The following GRAMD1B variants were observed in gnomAD, a reference collection of about 807,000 sequenced individuals.
GRAMD1B encodes GRAM domain containing 1B.
A neutral mutation model predicts 99.7 loss-of-function variants in GRAMD1B; 37 were observed. The observed-to-expected ratio is 0.37, with a 90% CI of 0.29 to 0.49. The LOEUF is 0.49. Ranked by LOEUF, GRAMD1B falls within the 20% of genes least tolerant of loss-of-function variation. The pLI, the probability that GRAMD1B is intolerant of heterozygous loss-of-function variation, is 0.98. For missense variants in GRAMD1B, 888 were observed against 1,009.2 expected, an observed-to-expected ratio of 0.88 and a Z score of 1.63; for synonymous variants, 427 against 387.6, an observed-to-expected ratio of 1.10 and a Z score of -1.19.
chr11:123,435,428 T>C, intron 1 of GRAMD1B: 2 of 702,600 alleles, frequency 2.8e-6, no homozygotes, highest in Non-Finnish European at 5.2e-6. Context: ...TGTCACTGAC[T>C]TGAAGCTCAA....
intron 2 of GRAMD1B, among the ~76,000 whole-genome samples, chr11:123,516,258 A>G (rs1278769414): frequency 6.6e-6 from 1 of 152,238 alleles, no homozygotes; most frequent in African/African-American, 2.4e-5. Context: ...ATGGAAGCTG[A>G]ACCCTTTGGT....
In GRAMD1B at chr11:123,615,425, G is replaced by A. The variant is rs1241049859; in HGVS notation, c.2318+590G>A. 3.3e-5 allele frequency among the ~76,000 whole-genome samples: 5 copies of A among 152,186 alleles called. No homozygotes were observed. The South Asian group carries it at 6.2e-4, about 19-fold the overall frequency. Reference sequence around the variant, plus strand: ...ATGCTGGCTGGGCATGGTGGCTCACGCCTGTAATCCCAGCACTTTGGGAGG... The same window carrying A: ...ATGCTGGCTGGGCATGGTGGCTCACACCTGTAATCCCAGCACTTTGGGAGG... On this transcript the variant is annotated intron_variant, in intron 17 of 19. Transcript: ENST00000635736.
At chr11:123,365,848 C>T (rs868831033) in intron 1 of GRAMD1B, among the ~76,000 whole-genome samples, 1 of 152,160 alleles carries the variant, frequency 6.6e-6, no homozygotes, top group Middle Eastern at 3.2e-3. Flanking sequence ...AGCATTATAC[C>T]TGCTCCTTGT....
intron 1 of GRAMD1B, among the ~76,000 whole-genome samples, chr11:123,373,217 A>G (rs1946585384): frequency 6.6e-6 from 1 of 152,204 alleles, no homozygotes; most frequent in South Asian, 2.1e-4. Context: ...CTGGTCTGTT[A>G]TACAACAAAG....
chr11:123,579,723 C>T (rs139086441), intron 3 of GRAMD1B, among the ~76,000 whole-genome samples: 2 of 152,316 alleles, frequency 1.3e-5, no homozygotes, highest in East Asian at 3.9e-4. Context: ...CACACTTTTC[C>T]ATCCAGATTC....
chr11:123,431,892 A>C (rs1948911633), intron 1 of GRAMD1B: 1 of 393,536 alleles, frequency 2.5e-6, no homozygotes, highest in Non-Finnish European at 4.5e-6. Context: ...AGCTCTACAC[A>C]GCCCTGGTCA....
intron 1 of GRAMD1B, among the ~76,000 whole-genome samples, chr11:123,424,258 A>G (rs1247177601): frequency 6.6e-6 from 1 of 150,984 alleles, no homozygotes; most frequent in Non-Finnish European, 1.5e-5. Context: ...AACACCAAAA[A>G]AAAAAAAAAA....
At chr11:123,597,256 CTTTTTTTT>C (rs71060518) in intron 7 of GRAMD1B, among the ~76,000 whole-genome samples, 12 of 76,570 alleles carry the variant, frequency 1.6e-4, no homozygotes, top group South Asian at 9.2e-4. Flanking sequence ...GCCACTATGC[CTTTTTTTT>C]TTTTTTTTTT....
intron 11 of GRAMD1B, chr11:123,607,867 T>G (rs1479994137): frequency 6.6e-6 from 1 of 152,480 alleles, no homozygotes; most frequent in African/African-American, 2.4e-5. Context: ...TATCCTCATT[T>G]GCATCCTCCT....
In GRAMD1B at chr11:123,598,032, G is replaced by T. The variant is rs528674511; in HGVS notation, c.969+1995G>T. The T allele has an allele frequency of 9.3e-5, 122 of 1,317,342 alleles. No individual in the cohort carries two copies. The African/African-American group carries it at 1.6e-3, about 18-fold the overall frequency. The allele number at this position is 1,317,342 out of a possible 1,614,324, so 81.6% of individuals were successfully genotyped here. ...TCTTCATATTCTTCCTCAGTGTCAG[G>T]CTGCCATCATTCTGAAGCCTTCTGC... On this transcript the variant is annotated intron_variant, in intron 7 of 19. Coordinates refer to ENST00000635736, the MANE Select transcript of GRAMD1B (RefSeq NM_001387025.1).
chr11:123,502,847 G>A (rs1940014899), intron 2 of GRAMD1B, among the ~76,000 whole-genome samples: 1 of 150,926 alleles, frequency 6.6e-6, no homozygotes, highest in Non-Finnish European at 1.5e-5. Flanking sequence ...TAATATCATA[G>A]TTTAGCCTGG....
intron 2 of GRAMD1B, among the ~76,000 whole-genome samples, chr11:123,489,438 C>T (rs1273155866): frequency 6.6e-6 from 1 of 152,052 alleles, no homozygotes; most frequent in Non-Finnish European, 1.5e-5. Flanking sequence ...TCAGGATAAG[C>T]AAAGTTTAAG....
intron 1 of GRAMD1B, 100 bp from the exon 2 acceptor site, chr11:123,480,716 T>G (rs1021876390): frequency 2.5e-6 from 1 of 396,958 alleles, no homozygotes; most frequent in African/African-American, 2.1e-5. Flanking sequence ...CTTTAAAATT[T>G]TGTAACCCCA....
chr11:123,528,054 C>T (rs1766454633), intron 2 of GRAMD1B, among the ~76,000 whole-genome samples: 1 of 152,164 alleles, frequency 6.6e-6, no homozygotes, highest in African/African-American at 2.4e-5. Flanking sequence ...GATCCTGTGA[C>T]CCACTGTCTC....
chr11:123,431,025 C>G lies in GRAMD1B; in HGVS notation c.233C>G (p.Pro78Arg), dbSNP rs1271041931. The change falls in exon 1 of 20, where the codon CCG becomes CGG. Residue 78 changes from proline to arginine, a missense_variant. Transcript: ENST00000635736. Reference sequence around the variant, plus strand: ...CCCGGCAAGGAGTTCCTGCAGCTGCCGTCCATCGAGATCACGCCCTCCAGC... The same window carrying G: ...CCCGGCAAGGAGTTCCTGCAGCTGCGGTCCATCGAGATCACGCCCTCCAGC... The part of the protein sequence containing the change: ...LAPGKEFLQL[P>R]SIEITPSSDE... 1 of 702,908 alleles carries G rather than the reference C, an allele frequency of 1.4e-6. No homozygotes were observed. The highest frequency in any genetic ancestry group is 2.6e-6 in the Non-Finnish European group (1 of 384,982). The allele number at this position is 702,908 out of a possible 1,614,324, so 43.5% of individuals were successfully genotyped here.
At chr11:123,391,915 G>A (rs1170708899) in intron 1 of GRAMD1B, among the ~76,000 whole-genome samples, 3 of 152,216 alleles carry the variant, frequency 2.0e-5, no homozygotes, top group South Asian at 2.1e-4. Flanking sequence ...AAACAGAGGA[G>A]CAAGTACATT....
At chr11:123,434,006 G>T (rs1949038357) in intron 1 of GRAMD1B, among the ~76,000 whole-genome samples, 1 of 152,006 alleles carries the variant, frequency 6.6e-6, no homozygotes, top group Non-Finnish European at 1.5e-5. Flanking sequence ...GAGGCAGGCA[G>T]ATTGCCTGAG....
At chr11:123,466,468 GAAAA>G (rs1317259442) in intron 1 of GRAMD1B, among the ~76,000 whole-genome samples, 5 of 145,152 alleles carry the variant, frequency 3.4e-5, no homozygotes, top group Non-Finnish European at 5.9e-5. Flanking sequence ...AAGAAAGAAA[GAAAA>G]GAAAGAAAGA....
At chr11:123,551,042 G>A (rs1037461661) in intron 2 of GRAMD1B, among the ~76,000 whole-genome samples, 4 of 152,190 alleles carry the variant, frequency 2.6e-5, no homozygotes, top group South Asian at 4.1e-4. Flanking sequence ...GCTGTTGGGA[G>A]CAAAGCTATA....
Sources: allele counts gnomAD v4.1 joint callset (sites outside exome capture counted in the v4.1 genomes callset), GRCh38; gene constraint gnomAD v4.1.1; transcripts MANE v1.5; gene names NCBI Gene and HGNC (gene_info 2026-07-23, HGNC 2026-07-21).